Variants in SLC27A2 observed in about 807,000 individuals in gnomAD.
The protein encoded by SLC27A2 is long-chain fatty acid transport protein 2.
Under a neutral mutation model 60.0 loss-of-function variants are expected in SLC27A2, and 54 were observed. The observed-to-expected ratio is 0.90, with a 90% CI of 0.72 to 1.13. The LOEUF is 1.13. Among genes scored for constraint, SLC27A2 ranks in the 50% most tolerant of loss-of-function variants. The pLI, the probability that SLC27A2 is intolerant of heterozygous loss-of-function variation, is 0.00. For synonymous variants in SLC27A2, 297 were observed against 297.6 expected, an observed-to-expected ratio of 1.00 and a Z score of 0.02; for missense variants, 739 against 777.6, an observed-to-expected ratio of 0.95 and a Z score of 0.59.
intron 5 of SLC27A2, 119 bp from the exon 6 acceptor site, chr15:50,225,869 T>C: frequency 1.6e-6 from 1 of 623,684 alleles, no homozygotes; most frequent in Non-Finnish European, 2.8e-6. Flanking sequence ...GTTTTAAGGG[T>C]ATATGCAAAT....
intron 1 of SLC27A2, among the ~76,000 whole-genome samples, chr15:50,196,057 A>AAAAAAAAAAATAAAAAAAT (rs2045013913): frequency 4.0e-4 from 4 of 9,880 alleles, no homozygotes; most frequent in Non-Finnish European, 8.6e-4. Context: ...CTGTCTCAAA[A>AAAAAAAAAAATAAAAAAAT]AAAAAAAAAA....
At chr15:50,193,148 C>T (rs2044987980) in intron 1 of SLC27A2, among the ~76,000 whole-genome samples, 1 of 152,232 alleles carries the variant, frequency 6.6e-6, no homozygotes, top group African/African-American at 2.4e-5. Context: ...CAGACTCAGG[C>T]TTAGTCAGTC....
chr15:50,209,679 C>A (rs1476700636), intron 4 of SLC27A2, among the ~76,000 whole-genome samples: 1 of 152,078 alleles, frequency 6.6e-6, no homozygotes, highest in Non-Finnish European at 1.5e-5. Context: ...CTTTTGGCTA[C>A]GATGTGAGAA....
intron 3 of SLC27A2, among the ~76,000 whole-genome samples, chr15:50,204,543 C>A (rs1308598101): frequency 6.6e-6 from 1 of 151,886 alleles, no homozygotes; most frequent in Non-Finnish European, 1.5e-5. Context: ...ACCATCCTGG[C>A]TAACACAGTG....
intron 1 of SLC27A2, among the ~76,000 whole-genome samples, chr15:50,195,236 G>A (rs1302034191): frequency 6.6e-6 from 1 of 151,788 alleles, no homozygotes; most frequent in East Asian, 1.9e-4. Context: ...GGAGGCAGAG[G>A]CGGGCGGATC....
chr15:50,236,075 TGC>T lies in SLC27A2; in HGVS notation c.1843_1844del (p.Ala615Ter). The T allele has an allele frequency of 6.2e-7, 1 of 1,601,828 alleles. No individual in the cohort carries two copies. The highest frequency in any genetic ancestry group is 8.5e-7 in the Non-Finnish European group (1 of 1,172,192). On this transcript the variant is annotated frameshift_variant, in exon 10 of 10. Coordinates refer to ENST00000267842, the MANE Select transcript of SLC27A2 (RefSeq NM_003645.4). LOFTEE classifies it high-confidence loss of function. ...MTEDIYNAISAKTLKL is the reference protein window; with the variant it reads ...MTEDIYNAISXKTLKL The stretch of plus-strand genomic sequence containing the variant: ...CTGAGGACATCTATAATGCCATAAG[TGC>T]TAAAACCCTGAAACTCTGAATATTC...
chr15:50,204,234 G>T (rs549310498), intron 3 of SLC27A2, among the ~76,000 whole-genome samples: 1 of 152,268 alleles, frequency 6.6e-6, no homozygotes, highest in South Asian at 2.1e-4. Flanking sequence ...GGAGGTTGAG[G>T]TGGGCGAATC....
At chr15:50,192,799 A>AG (rs386382955) in intron 1 of SLC27A2, among the ~76,000 whole-genome samples, 9 of 151,490 alleles carry the variant, frequency 5.9e-5, no homozygotes, top group African/African-American at 2.2e-4. Flanking sequence ...AAAAAAAAAA[A>AG]AAGAAGAAGA....
chr15:50,212,069 T>TCA (rs2045161396), intron 4 of SLC27A2, among the ~76,000 whole-genome samples: 1 of 56,528 alleles, frequency 1.8e-5, no homozygotes, highest in Admixed American at 2.4e-4. Flanking sequence ...AGACTCTGTC[T>TCA]CAAAAAAAAA....
At chr15:50,196,070 AAAAAAAAATATATATATATATATAT>A (rs1479271967) in intron 1 of SLC27A2, among the ~76,000 whole-genome samples, 348 of 23,482 alleles carry the variant, frequency 0.015, 47 homozygotes, top group African/African-American at 0.048. Flanking sequence ...AAAAAAAAAA[AAAAAAAAATATATATATATATATAT>A]ATATATATAT....
At chr15:50,184,564 A>G (rs1167365809) in intron 1 of SLC27A2, among the ~76,000 whole-genome samples, 2 of 152,094 alleles carry the variant, frequency 1.3e-5, no homozygotes, top group Non-Finnish European at 2.9e-5. Context: ...GGCTGGGCGC[A>G]GTGGCTCAAG....
chr15:50,185,778 C>T (rs1044237383), intron 1 of SLC27A2, among the ~76,000 whole-genome samples: 3 of 151,762 alleles, frequency 2.0e-5, no homozygotes, highest in African/African-American at 7.3e-5. Flanking sequence ...TACAGGCACC[C>T]GCCACCACGC....
chr15:50,204,061 A>C (rs1351377765), intron 3 of SLC27A2, among the ~76,000 whole-genome samples: 1 of 152,200 alleles, frequency 6.6e-6, no homozygotes, highest in East Asian at 1.9e-4. Context: ...TTTGAAATCC[A>C]AAATGCTCCA....
At chr15:50,188,093 A>C (rs2044940512) in intron 1 of SLC27A2, among the ~76,000 whole-genome samples, 1 of 152,162 alleles carries the variant, frequency 6.6e-6, no homozygotes, top group African/African-American at 2.4e-5. Context: ...AAAGAACTAA[A>C]CCGCATGCAC....
At chr15:50,210,504 A>T (rs945272287) in intron 4 of SLC27A2, among the ~76,000 whole-genome samples, 1 of 152,208 alleles carries the variant, frequency 6.6e-6, no homozygotes, top group Non-Finnish European at 1.5e-5. Context: ...TGGCTCCCCT[A>T]GCAGCCCATT....
chr15:50,232,188 A>G (rs28392818), intron 8 of SLC27A2, among the ~76,000 whole-genome samples: 7,662 of 152,272 alleles, frequency 0.05, 359 homozygotes, highest in African/African-American at 0.12. Context: ...CACACACCTC[A>G]GCTTTGGAAC....
At chr15:50,199,601 G>A (rs1357502866) in intron 2 of SLC27A2, among the ~76,000 whole-genome samples, 5 of 152,084 alleles carry the variant, frequency 3.3e-5, no homozygotes, top group Non-Finnish European at 7.4e-5. Flanking sequence ...AATTAGAAGG[G>A]TGTTTATTTT....
chr15:50,228,496 T>TA (rs1491442774), intron 7 of SLC27A2, among the ~76,000 whole-genome samples: 1 of 94,552 alleles, frequency 1.1e-5, no homozygotes, highest in Non-Finnish European at 2.3e-5. Context: ...TAAAGTGTGA[T>TA]TTTTTTTTTC....
At chr15:50,195,486 G>T (rs2045006572) in intron 1 of SLC27A2, among the ~76,000 whole-genome samples, 1 of 151,844 alleles carries the variant, frequency 6.6e-6, no homozygotes, top group Admixed American at 6.6e-5. Flanking sequence ...GTGAGACTCT[G>T]TCTCAAAATA....
Sources: gnomAD v4.1 joint callset for allele counts (sites outside exome capture counted in the v4.1 genomes callset) on GRCh38, gnomAD v4.1.1 for gene constraint, MANE v1.5 for transcripts, NCBI Gene and HGNC (gene_info 2026-07-23, HGNC 2026-07-21) for gene names.